CNTNAP2: variants seen among roughly 807,000 people sequenced by gnomAD.
CNTNAP2 encodes the protein contactin associated protein 2.
In CNTNAP2, 98 loss-of-function variants were observed where a neutral mutation model predicts 155.2. The observed-to-expected ratio is 0.63, with a 90% CI of 0.54 to 0.75. The LOEUF is 0.75. CNTNAP2 is among the 30% of genes least tolerant of loss of function. The probability of loss-of-function intolerance (pLI) is 0.00; values close to 1 mark genes in which losing one functional copy is unlikely to be tolerated. For missense variants in CNTNAP2, 1,727 were observed against 1,688.1 expected (o/e 1.02, Z -0.40); for synonymous variants, 651 against 631.2 (o/e 1.03, Z -0.47).
chr7:147,117,289 A>G (rs1445633620), intron 5 of CNTNAP2, among the ~76,000 whole-genome samples: 1 of 152,126 alleles, frequency 6.6e-6, no homozygotes, highest in Non-Finnish European at 1.5e-5. Flanking sequence ...CTCTGGTGTC[A>G]TGGGCTCACA....
chr7:146,585,338 T>A (rs1236152158), intron 1 of CNTNAP2, among the ~76,000 whole-genome samples: 1 of 151,980 alleles, frequency 6.6e-6, no homozygotes, highest in East Asian at 1.9e-4. Flanking sequence ...TCCAGGAGGG[T>A]TTCGATCTCC....
At chr7:147,138,569 T>A (rs191059137) in intron 8 of CNTNAP2, among the ~76,000 whole-genome samples, 1 of 152,088 alleles carries the variant, frequency 6.6e-6, no homozygotes, top group African/African-American at 2.4e-5. Context: ...AGTGGAAATC[T>A]ACCTTTAATT....
chr7:147,951,840 G>A (rs967185255), intron 14 of CNTNAP2, among the ~76,000 whole-genome samples: 17 of 152,072 alleles, frequency 1.1e-4, no homozygotes, highest in African/African-American at 4.1e-4. Context: ...AAACCTAGAT[G>A]ATGGGTTGAT....
At position 147,577,484 on chromosome 7, in the gene CNTNAP2, CT is replaced by C. The variant is rs202241548; in HGVS notation, c.1897+15228del. ...TTTTCAGACAGGATACCTTCCATTG[CT>C]CTCTAAATCACTCCTATCTGTAGCC... On this transcript the variant is annotated intron_variant, in intron 12 of 23. Transcript: ENST00000361727. 3.9e-3 allele frequency among the ~76,000 whole-genome samples: 597 copies of C among 151,926 alleles called. 10 individuals are homozygous for C. The highest frequency in any genetic ancestry group is 0.013 in the African/African-American group (559 of 41,482).
At chr7:148,256,610 G>A (rs1378580709) in intron 20 of CNTNAP2, among the ~76,000 whole-genome samples, 2 of 152,084 alleles carry the variant, frequency 1.3e-5, no homozygotes, top group Non-Finnish European at 1.5e-5. Context: ...ACTGAAACCA[G>A]CCACTTTTCT....
intron 21 of CNTNAP2, among the ~76,000 whole-genome samples, chr7:148,372,118 C>G (rs1022388066): frequency 6.6e-6 from 1 of 151,944 alleles, no homozygotes; most frequent in African/African-American, 2.4e-5. Context: ...AGGAGCATCG[C>G]GTGAACCTGG....
chr7:146,812,701 A>G (rs1268778545), intron 2 of CNTNAP2, among the ~76,000 whole-genome samples: 2 of 152,148 alleles, frequency 1.3e-5, no homozygotes, highest in Non-Finnish European at 2.9e-5. Flanking sequence ...CATAAGTAAC[A>G]TGGAGCCAAA....
intron 1 of CNTNAP2, among the ~76,000 whole-genome samples, chr7:146,600,814 G>A (rs116234517): frequency 0.017 from 2,532 of 152,142 alleles, 56 homozygotes; most frequent in African/African-American, 0.057. Flanking sequence ...ATAATAGCTG[G>A]TCAGTAAATT....
At chr7:147,911,822 G>A (rs553561558) in intron 14 of CNTNAP2, among the ~76,000 whole-genome samples, 3 of 152,220 alleles carry the variant, frequency 2.0e-5, no homozygotes, top group Admixed American at 2.0e-4. Context: ...TCCATTGTGT[G>A]GGTAGAATAC....
chr7:147,902,068 A>G (rs1281539809), intron 13 of CNTNAP2, among the ~76,000 whole-genome samples: 2 of 152,238 alleles, frequency 1.3e-5, no homozygotes, highest in African/African-American at 4.8e-5. Flanking sequence ...AAGCATGACC[A>G]GTCACGAGAA....
At chr7:148,373,557 T>C (rs756397333) in intron 21 of CNTNAP2, among the ~76,000 whole-genome samples, 5 of 152,206 alleles carry the variant, frequency 3.3e-5, no homozygotes, top group African/African-American at 1.2e-4. Context: ...CATTATAATC[T>C]CCTGGGACCA....
intron 1 of CNTNAP2, among the ~76,000 whole-genome samples, chr7:146,631,299 T>C (rs1460031921): frequency 6.6e-6 from 1 of 152,192 alleles, no homozygotes; most frequent in Non-Finnish European, 1.5e-5. Flanking sequence ...AAATGGTCAA[T>C]TGAAATCGAC....
At chr7:148,112,706 A>G (rs1321537860) in intron 15 of CNTNAP2, among the ~76,000 whole-genome samples, 4 of 152,150 alleles carry the variant, frequency 2.6e-5, no homozygotes, top group African/African-American at 7.2e-5. Context: ...GAATTTCAAT[A>G]TAACCAAAAA....
At chr7:147,938,167 G>C (rs565640171) in intron 14 of CNTNAP2, among the ~76,000 whole-genome samples, 1 of 152,188 alleles carries the variant, frequency 6.6e-6, no homozygotes, top group South Asian at 2.1e-4. Context: ...ACTGTGAGCT[G>C]GTCTAATAAT....
chr7:147,564,818 G>A (rs1800136419), intron 12 of CNTNAP2, among the ~76,000 whole-genome samples: 1 of 146,628 alleles, frequency 6.8e-6, no homozygotes, highest in East Asian at 2.1e-4. Context: ...CTAAGGAGCA[G>A]AATACAACTT....
At chr7:147,757,948 A>T (rs1797237218) in intron 13 of CNTNAP2, among the ~76,000 whole-genome samples, 1 of 152,224 alleles carries the variant, frequency 6.6e-6, no homozygotes, top group Non-Finnish European at 1.5e-5. Context: ...AGGAAGGCCC[A>T]CTGAAAAACA....
chr7:148,141,531 C>A (rs367707821), intron 16 of CNTNAP2, among the ~76,000 whole-genome samples: 2 of 152,282 alleles, frequency 1.3e-5, no homozygotes, highest in Admixed American at 6.5e-5. Context: ...CCTTCCTAGG[C>A]AGGAGTAGTT....
At chr7:146,464,891 T>G (rs1306161767) in intron 1 of CNTNAP2, among the ~76,000 whole-genome samples, 1 of 152,192 alleles carries the variant, frequency 6.6e-6, no homozygotes, top group Admixed American at 6.6e-5. Context: ...TCTTGAATTT[T>G]AATGATATTG....
intron 10 of CNTNAP2, among the ~76,000 whole-genome samples, chr7:147,451,859 C>T (rs1201315091): frequency 6.6e-6 from 1 of 151,952 alleles, no homozygotes; most frequent in African/African-American, 2.4e-5. Context: ...CATTAGAGCT[C>T]CACCCCGCTG....
Sources: allele counts gnomAD v4.1 joint callset (sites outside exome capture counted in the v4.1 genomes callset), GRCh38; gene constraint gnomAD v4.1.1; transcripts MANE v1.5; gene names NCBI Gene and HGNC (gene_info 2026-07-23, HGNC 2026-07-21).